DLGAP1: variants seen among roughly 807,000 people sequenced by gnomAD.
The protein encoded by DLGAP1 is disks large-associated protein 1.
In DLGAP1, 11 loss-of-function variants were observed where a neutral mutation model predicts 90.8. That is an observed-to-expected ratio of 0.12 (90% CI 0.08 to 0.20). The LOEUF is 0.20. DLGAP1 is among the 10% of genes least tolerant of loss of function. The probability of loss-of-function intolerance (pLI) is 1.00; values close to 1 mark genes in which losing one functional copy is unlikely to be tolerated. For synonymous variants in DLGAP1, 558 were observed against 540.7 expected, an observed-to-expected ratio of 1.03 and a Z score of -0.44; for missense variants, 1,050 against 1,333.8, an observed-to-expected ratio of 0.79 and a Z score of 3.31.
chr18:3,568,662 T>C (rs947620691), intron 8 of DLGAP1, among the ~76,000 whole-genome samples: 2 of 152,058 alleles, frequency 1.3e-5, no homozygotes, highest in African/African-American at 2.4e-5. Flanking sequence ...TATATATATG[T>C]CTAAATATAT....
intron 5 of DLGAP1, among the ~76,000 whole-genome samples, chr18:3,750,266 C>T (rs762026965): frequency 6.6e-6 from 1 of 152,204 alleles, no homozygotes; most frequent in Non-Finnish European, 1.5e-5. Context: ...CAGATGATGG[C>T]TTCCAGCTGC....
At chr18:3,552,869 T>C (rs2053552763) in intron 9 of DLGAP1, among the ~76,000 whole-genome samples, 1 of 152,226 alleles carries the variant, frequency 6.6e-6, no homozygotes, top group African/African-American at 2.4e-5. Flanking sequence ...GATTACATCT[T>C]GGATTCCTGC....
intron 2 of DLGAP1, among the ~76,000 whole-genome samples, chr18:4,013,301 C>T (rs1056024785): frequency 2.6e-5 from 4 of 152,156 alleles, no homozygotes; most frequent in Admixed American, 1.3e-4. Context: ...CTATTACTAA[C>T]CTCAATATAG....
intron 7 of DLGAP1, among the ~76,000 whole-genome samples, chr18:3,628,151 C>T (rs1451241383): frequency 1.3e-5 from 2 of 150,610 alleles, no homozygotes; most frequent in African/African-American, 4.9e-5. Context: ...GGTGGGATTA[C>T]AGGCGTGAGC....
intron 2 of DLGAP1, among the ~76,000 whole-genome samples, chr18:4,102,398 T>C (rs2075794385): frequency 6.6e-6 from 1 of 152,228 alleles, no homozygotes; most frequent in South Asian, 2.1e-4. Context: ...TTTAGGCATA[T>C]GCTTTAAGCC....
intron 7 of DLGAP1, among the ~76,000 whole-genome samples, chr18:3,682,132 A>AT (rs1186954800): frequency 1.7e-4 from 17 of 102,442 alleles, no homozygotes; most frequent in Non-Finnish European, 2.2e-4. Flanking sequence ...AAAAAAAAAT[A>AT]AAAAAAAATA....
chr18:4,181,268 ATGAGT>A (rs1413397132), intron 1 of DLGAP1, among the ~76,000 whole-genome samples: 2 of 152,162 alleles, frequency 1.3e-5, no homozygotes, highest in African/African-American at 4.8e-5. Flanking sequence ...GTTACACTGG[ATGAGT>A]TAAGATGTAA....
intron 4 of DLGAP1, among the ~76,000 whole-genome samples, chr18:3,817,425 T>C (rs992243011): frequency 5.9e-5 from 9 of 152,216 alleles, no homozygotes; most frequent in African/African-American, 2.2e-4. Context: ...TATGTGGAAG[T>C]GACTTCCATT....
intron 7 of DLGAP1, among the ~76,000 whole-genome samples, chr18:3,647,488 C>T (rs924755020): frequency 6.7e-6 from 1 of 148,906 alleles, no homozygotes; most frequent in Non-Finnish European, 1.5e-5. Context: ...TTTTTTTAAA[C>T]CGAGACTTGC....
intron 2 of DLGAP1, among the ~76,000 whole-genome samples, chr18:4,126,096 A>C (rs2076229375): frequency 6.6e-6 from 1 of 152,176 alleles, no homozygotes; most frequent in Non-Finnish European, 1.5e-5. Flanking sequence ...TTGCAATTTG[A>C]AGCACCTGGC....
At chr18:3,512,065 CTT>C (rs5822764) in intron 10 of DLGAP1, among the ~76,000 whole-genome samples, 88 of 147,680 alleles carry the variant, frequency 6.0e-4, no homozygotes, top group Middle Eastern at 3.4e-3. Flanking sequence ...TCTGGTCATG[CTT>C]TTTTTTTTTT....
intron 10 of DLGAP1, among the ~76,000 whole-genome samples, chr18:3,515,744 AC>A (rs1205265527): frequency 1.4e-5 from 2 of 142,076 alleles, no homozygotes; most frequent in Admixed American, 1.5e-4. Context: ...GTGCCACCGC[AC>A]TCCAATCTGG....
At chr18:3,745,127 A>C (rs2063214043) in intron 5 of DLGAP1, among the ~76,000 whole-genome samples, 2 of 152,232 alleles carry the variant, frequency 1.3e-5, no homozygotes, top group Admixed American at 1.3e-4. Context: ...TGTCCAGAAT[A>C]GGCAAATCGC....
At chr18:3,861,106 A>G (rs928761288) in intron 4 of DLGAP1, among the ~76,000 whole-genome samples, 2 of 152,198 alleles carry the variant, frequency 1.3e-5, no homozygotes, top group Admixed American at 1.3e-4. Context: ...TTTCCTATCA[A>G]CTTCGACGCT....
At chr18:3,840,186 T>C (rs1432004046) in intron 4 of DLGAP1, among the ~76,000 whole-genome samples, 1 of 152,208 alleles carries the variant, frequency 6.6e-6, no homozygotes, top group Admixed American at 6.5e-5. Flanking sequence ...TTTGGAGCCA[T>C]GTTTCATTTC....
chr18:4,301,465 T>C (rs1201480392), intron 1 of DLGAP1, among the ~76,000 whole-genome samples: 1 of 152,166 alleles, frequency 6.6e-6, no homozygotes, highest in Non-Finnish European at 1.5e-5. Context: ...CAATTAAATT[T>C]CTTTCTTTTT....
At chr18:3,869,624 G>C (rs2070620502) in intron 4 of DLGAP1, among the ~76,000 whole-genome samples, 1 of 152,214 alleles carries the variant, frequency 6.6e-6, no homozygotes. Flanking sequence ...TCTGCGTTTA[G>C]TCGGCACACA....
At chr18:4,404,685 A>C (rs1340885185) in intron 1 of DLGAP1, among the ~76,000 whole-genome samples, 2 of 152,170 alleles carry the variant, frequency 1.3e-5, no homozygotes, top group African/African-American at 2.4e-5. Flanking sequence ...AAAGTCTTTC[A>C]AAGGAAAATG....
intron 7 of DLGAP1, among the ~76,000 whole-genome samples, chr18:3,700,936 T>C (rs1025734680): frequency 6.6e-6 from 1 of 152,170 alleles, no homozygotes; most frequent in Non-Finnish European, 1.5e-5. Context: ...TGGAATGCAG[T>C]AGTGGGATCA....
Sources: gnomAD v4.1 joint callset for allele counts (sites outside exome capture counted in the v4.1 genomes callset) on GRCh38, gnomAD v4.1.1 for gene constraint, MANE v1.5 for transcripts, NCBI Gene and HGNC (gene_info 2026-07-23, HGNC 2026-07-21) for gene names.